COLEC12: variants seen among roughly 807,000 people sequenced by gnomAD.
COLEC12 encodes the protein collectin subfamily member 12.
In COLEC12, 33 loss-of-function variants were observed where a neutral mutation model predicts 71.1. That is an observed-to-expected ratio of 0.46 (90% CI 0.35 to 0.62). The LOEUF is 0.62. Among genes scored for constraint, COLEC12 ranks in the 20% least tolerant of loss-of-function variants. The pLI is 0.00. For missense variants in COLEC12, 765 were observed against 916.1 expected (o/e 0.84, Z 2.13); for synonymous variants, 350 against 353.0 (o/e 0.99, Z 0.10).
intron 5 of COLEC12, among the ~76,000 whole-genome samples, chr18:336,528 G>A (rs575173565): frequency 6.6e-6 from 1 of 152,244 alleles, no homozygotes; most frequent in South Asian, 2.1e-4. Context: ...TCTCCTACCA[G>A]GAACTGTATA....
chr18:484,879 T>G (rs538825693), intron 1 of COLEC12, among the ~76,000 whole-genome samples: 2 of 152,294 alleles, frequency 1.3e-5, no homozygotes, highest in South Asian at 2.1e-4. Flanking sequence ...AACAGCTGAT[T>G]CAGGCTGATA....
intron 8 of COLEC12, among the ~76,000 whole-genome samples, chr18:323,495 A>G (rs946658024): frequency 6.6e-6 from 1 of 152,244 alleles, no homozygotes; most frequent in South Asian, 2.1e-4. Flanking sequence ...ATGAGTCACA[A>G]TGAGTTCAAA....
chr18:453,470 A>G (rs1423363316), intron 2 of COLEC12, among the ~76,000 whole-genome samples: 3 of 152,224 alleles, frequency 2.0e-5, no homozygotes, highest in African/African-American at 4.8e-5. Context: ...ACACAGAGAC[A>G]GAGACAGAAC....
chr18:352,480 A>G (rs887962730), intron 3 of COLEC12, among the ~76,000 whole-genome samples: 8 of 152,198 alleles, frequency 5.3e-5, no homozygotes, highest in African/African-American at 1.9e-4. Context: ...GTGTAGAATA[A>G]ATACAAAAGG....
chr18:363,242 G>C (rs1388123123), intron 2 of COLEC12, among the ~76,000 whole-genome samples: 1 of 152,090 alleles, frequency 6.6e-6, no homozygotes, highest in Non-Finnish European at 1.5e-5. Context: ...GAAAAAAAAA[G>C]AGTCTCCTTC....
chr18:472,674 G>C (rs1488429577), intron 2 of COLEC12, among the ~76,000 whole-genome samples: 1 of 73,636 alleles, frequency 1.4e-5, no homozygotes, highest in Non-Finnish European at 2.6e-5. Context: ...GTGAGGCCCT[G>C]TGACAAAAAA....
chr18:321,724 T>C lies in COLEC12; in HGVS notation c.2147A>G (p.Gln716Arg). 6.2e-7 allele frequency: 1 copy of C among 1,614,256 alleles called. No individual in the cohort carries two copies. The highest frequency in any genetic ancestry group is 8.5e-7 in the Non-Finnish European group (1 of 1,180,046). The change falls in exon 9 of 10, where the codon CAG becomes CGG. Residue 716 changes from glutamine (Q) to arginine (R), a missense_variant. Coordinates refer to ENST00000400256, the MANE Select transcript of COLEC12 (RefSeq NM_130386.3). Reference sequence around the variant, plus strand: ...GTCTTCACATTGGAAATCGTTCCACTGCCCAGCATAAATCAACCCAGCACA... The same window carrying C: ...GTCTTCACATTGGAAATCGTTCCACCGCCCAGCATAAATCAACCCAGCACA... ...EDCAGLIYAG[Q>R]WNDFQCEDVN... is the part of the protein sequence containing the mutation.
intron 2 of COLEC12, among the ~76,000 whole-genome samples, chr18:442,279 T>G (rs1916558051): frequency 6.6e-6 from 1 of 152,188 alleles, no homozygotes; most frequent in South Asian, 2.1e-4. Flanking sequence ...AATTCAAGTT[T>G]GATTGTCATG....
At chr18:404,531 G>T (rs556727934) in intron 2 of COLEC12, among the ~76,000 whole-genome samples, 1 of 152,316 alleles carries the variant, frequency 6.6e-6, no homozygotes, top group East Asian at 1.9e-4. Context: ...TGGGACGAAG[G>T]GTGGTGTTGT....
chr18:358,065 T>G (rs1434984135), intron 2 of COLEC12, among the ~76,000 whole-genome samples: 1 of 152,260 alleles, frequency 6.6e-6, no homozygotes, highest in African/African-American at 2.4e-5. Context: ...TATGAGAATC[T>G]GACTAATGCC....
intron 8 of COLEC12, 63 bp from the exon 9 acceptor site, chr18:321,870 G>C (rs1430871797): frequency 6.7e-7 from 1 of 1,495,778 alleles, no homozygotes; most frequent in Admixed American, 2.1e-5. Context: ...CTTTACTCAA[G>C]AGCAGCAGAG....
intron 2 of COLEC12, among the ~76,000 whole-genome samples, chr18:428,743 A>T (rs1477519549): frequency 6.6e-6 from 1 of 152,224 alleles, no homozygotes; most frequent in African/African-American, 2.4e-5. Context: ...ATAATAATTA[A>T]GACACCAAAC....
At chr18:446,428 G>A (rs183946144) in intron 2 of COLEC12, among the ~76,000 whole-genome samples, 50 of 151,626 alleles carry the variant, frequency 3.3e-4, no homozygotes, top group Non-Finnish European at 4.9e-4. Context: ...TGGGCCAGGC[G>A]CAGTGTCTCA....
chr18:489,219 T>C (rs1917576061), intron 1 of COLEC12, among the ~76,000 whole-genome samples: 1 of 152,248 alleles, frequency 6.6e-6, no homozygotes. Flanking sequence ...AGTTGGAAGC[T>C]AAAGTAAATA....
intron 8 of COLEC12, among the ~76,000 whole-genome samples, chr18:328,196 T>C (rs1293304205): frequency 1.3e-5 from 2 of 152,208 alleles, no homozygotes; most frequent in Non-Finnish European, 2.9e-5. Flanking sequence ...TAATTGTTCA[T>C]AATCGTCTCC....
intron 2 of COLEC12, among the ~76,000 whole-genome samples, chr18:460,050 GAAAAAAGAAAA>G (rs1202786010): frequency 2.2e-5 from 3 of 134,174 alleles, no homozygotes; most frequent in South Asian, 2.4e-4. Context: ...GAAAAAAAAG[GAAAAAAGAAAA>G]AAAAAAGAAA....
chr18:383,258 G>C (rs1197808493), intron 2 of COLEC12, among the ~76,000 whole-genome samples: 1 of 152,102 alleles, frequency 6.6e-6, no homozygotes, highest in Non-Finnish European at 1.5e-5. Context: ...AATTAAAATT[G>C]CCAGAACATA....
In COLEC12 at chr18:463,382, A is replaced by T. The variant is rs151106787; in HGVS notation, c.58+17325T>A. Among the ~76,000 whole-genome samples, 30 of 152,340 alleles carry T rather than the reference A, an allele frequency of 2.0e-4. No homozygotes were observed. In the East Asian group the frequency reaches 4.6e-3, roughly 23 times the overall value. ...GCTTAGCATCTGTACCCAACTATAAATTGTTGCATTTGGCCAGAACCAACT... is the reference window on the plus strand; with the variant it reads ...GCTTAGCATCTGTACCCAACTATAATTTGTTGCATTTGGCCAGAACCAACT... On this transcript the variant is annotated intron_variant, in intron 2 of 9. Transcript: ENST00000400256.
intron 1 of COLEC12, among the ~76,000 whole-genome samples, chr18:496,671 C>T (rs958741529): frequency 2.0e-5 from 3 of 152,160 alleles, no homozygotes; most frequent in African/African-American, 7.2e-5. Flanking sequence ...TATATTATTG[C>T]CAAACTGTAT....
Sources: allele counts gnomAD v4.1 joint callset (sites outside exome capture counted in the v4.1 genomes callset), GRCh38; gene constraint gnomAD v4.1.1; transcripts MANE v1.5; gene names NCBI Gene and HGNC (gene_info 2026-07-23, HGNC 2026-07-21).